The following CDH7 variants were observed in gnomAD, a reference collection of about 807,000 sequenced individuals.
The protein encoded by CDH7 is cadherin-7.
CDH7 carries 25 observed loss-of-function variants against 71.8 expected under a neutral mutation model. The observed-to-expected ratio is 0.35, with a 90% CI of 0.25 to 0.49. The LOEUF (loss-of-function observed/expected upper bound fraction) is 0.49. Among genes scored for constraint, CDH7 ranks in the 20% least tolerant of loss-of-function variants. The pLI, the probability that CDH7 is intolerant of heterozygous loss-of-function variation, is 0.99. For missense variants in CDH7, 862 were observed against 974.6 expected (o/e 0.88, Z 1.54); for synonymous variants, 381 against 363.8 (o/e 1.05, Z -0.54).
intron 5 of CDH7, among the ~76,000 whole-genome samples, chr18:65,823,124 A>C (rs1286281075): frequency 6.6e-6 from 1 of 152,030 alleles, no homozygotes. Context: ...CTTTCTGAGC[A>C]AATACAAGTG....
intron 2 of CDH7, among the ~76,000 whole-genome samples, chr18:65,771,874 A>G (rs1274340421): frequency 1.3e-5 from 2 of 152,112 alleles, no homozygotes; most frequent in Admixed American, 6.6e-5. Flanking sequence ...GGCCATCTCC[A>G]TTTCTAGTTA....
chr18:65,784,595 T>C (rs1910445884), intron 2 of CDH7, among the ~76,000 whole-genome samples: 1 of 152,198 alleles, frequency 6.6e-6, no homozygotes, highest in Non-Finnish European at 1.5e-5. Context: ...GAAAAAGTCC[T>C]AGAACATCCC....
chr18:65,849,369 CT>C (rs1265660266), intron 7 of CDH7, among the ~76,000 whole-genome samples: 4 of 63,794 alleles, frequency 6.3e-5, no homozygotes, highest in African/African-American at 1.7e-4. Flanking sequence ...CTTTTCTTTT[CT>C]TTTCTTTTCT....
chr18:65,827,720 T>C (rs771514493), intron 6 of CDH7, among the ~76,000 whole-genome samples: 14 of 151,926 alleles, frequency 9.2e-5, no homozygotes, highest in Non-Finnish European at 1.5e-4. Context: ...ATATACCATA[T>C]TGAGGCAAAA....
At chr18:65,840,831 G>A (rs1406389508) in intron 6 of CDH7, among the ~76,000 whole-genome samples, 1 of 151,942 alleles carries the variant, frequency 6.6e-6, no homozygotes, top group African/African-American at 2.4e-5. Context: ...TCCAAACATC[G>A]AGATAATTTA....
Position 65,762,709 on chromosome 18 carries a change from A to T in CDH7, c.-134A>T, listed in dbSNP as rs1916227649. 5 of 670,224 alleles carry T rather than the reference A, an allele frequency of 7.5e-6. No homozygotes were observed. 41.5% of individuals were successfully genotyped at this position (670,224 alleles called of 1,614,324 possible). A position where few individuals can be genotyped will look rare whatever the true frequency, so the allele number is the denominator to read the frequency against. ...CAGTGGTGACCTCTTCCAATCCAAC[A>T]CTCTACAGATTATTATCTCTGGACT... On this transcript the variant is annotated 5_prime_UTR_variant, in exon 2 of 12. Transcript: ENST00000397968.
chr18:65,865,509 G>GT (rs1424675561), intron 11 of CDH7: 2 of 151,954 alleles, frequency 1.3e-5, no homozygotes, highest in African/African-American at 4.8e-5. Flanking sequence ...CTTCAAAACC[G>GT]TAAGTAAAAC....
intron 1 of CDH7, among the ~76,000 whole-genome samples, chr18:65,756,544 G>T (rs1246775585): frequency 6.6e-6 from 1 of 152,216 alleles, no homozygotes; most frequent in Non-Finnish European, 1.5e-5. Context: ...CTGTGTGTTA[G>T]TGTGTTATAT....
chr18:65,821,087 A>G (rs980987897), intron 4 of CDH7, among the ~76,000 whole-genome samples: 2 of 151,824 alleles, frequency 1.3e-5, no homozygotes, highest in African/African-American at 4.8e-5. Context: ...AAATGGGGTT[A>G]CAGAAATAAA....
chr18:65,796,432 C>T (rs887846624), intron 2 of CDH7, among the ~76,000 whole-genome samples: 9 of 152,146 alleles, frequency 5.9e-5, no homozygotes, highest in Admixed American at 2.0e-4. Flanking sequence ...AATAAGGCAA[C>T]ATTACACACC....
chr18:65,838,077 A>G (rs989270737), intron 6 of CDH7, among the ~76,000 whole-genome samples: 2 of 152,026 alleles, frequency 1.3e-5, no homozygotes, highest in African/African-American at 4.8e-5. Flanking sequence ...GGCACGTGCC[A>G]CCATGGCAGG....
chr18:65,880,997 C>T lies in CDH7; in HGVS notation c.*103C>T, dbSNP rs1380670623. 2 of 1,126,240 alleles carry T rather than the reference C, an allele frequency of 1.8e-6. No individual in the cohort carries two copies. Among genetic ancestry groups the T allele is most frequent in the East Asian group, 2.6e-5 (1 of 38,432 alleles). 69.8% of individuals were successfully genotyped at this position (1,126,240 alleles called of 1,614,324 possible). On this transcript the variant is annotated 3_prime_UTR_variant, in exon 12 of 12. Transcript: ENST00000397968. ...CCACTACATACAGAAAACAAGAACT[C>T]CCCTTGCTGGAGACAGATGGTTGTA...
chr18:65,827,763 C>T (rs1912186052), intron 6 of CDH7, among the ~76,000 whole-genome samples: 1 of 151,748 alleles, frequency 6.6e-6, no homozygotes, highest in African/African-American at 2.4e-5. Context: ...TGATGTATAG[C>T]AACAGATGGC....
At chr18:65,804,352 A>G (rs1335171762) in intron 2 of CDH7, among the ~76,000 whole-genome samples, 2 of 152,176 alleles carry the variant, frequency 1.3e-5, no homozygotes, top group African/African-American at 4.8e-5. Context: ...TAAGATCATC[A>G]GTAAGATCAA....
At chr18:65,824,412 C>T (rs1347063379) in intron 5 of CDH7, among the ~76,000 whole-genome samples, 1 of 151,742 alleles carries the variant, frequency 6.6e-6, no homozygotes, top group African/African-American at 2.4e-5. Flanking sequence ...AGATTCTTCT[C>T]TTGCTTTTCC....
At chr18:65,863,038 T>A in intron 11 of CDH7, 121 bp downstream of exon 11, 1 of 1,152,730 alleles carries the variant, frequency 8.7e-7, no homozygotes, top group Non-Finnish European at 1.2e-6. Flanking sequence ...TGGTGTTTGT[T>A]TTGTTTTGTT....
chr18:65,857,316 CTATAAT>C (rs1189674809), intron 7 of CDH7, among the ~76,000 whole-genome samples: 22 of 87,806 alleles, frequency 2.5e-4, no homozygotes, highest in African/African-American at 8.1e-4. Flanking sequence ...GACCCTGCAT[CTATAAT>C]AATAATAATA....
At chr18:65,860,014 T>C (rs140688896) in intron 10 of CDH7, among the ~76,000 whole-genome samples, 189 bp downstream of exon 10, 379 of 152,328 alleles carry the variant, frequency 2.5e-3, no homozygotes, top group Middle Eastern at 0.014. Context: ...ATTTAAATTT[T>C]CTTAGGCCTA....
In CDH7 at chr18:65,828,707, G is replaced by A. The variant is rs137916801; in HGVS notation, c.981+3876G>A. On this transcript the variant is annotated intron_variant, in intron 6 of 11. Coordinates refer to ENST00000397968, the MANE Select transcript of CDH7 (RefSeq NM_004361.5). ...CCCCTATGTTTTTCAGGGGTCAATT[G>A]TATATTCATCTCATTTTTAGATGAA... Among the ~76,000 whole-genome samples the A allele has an allele frequency of 6.3e-3, 953 of 151,896 alleles. 12 individuals are homozygous for A. Among genetic ancestry groups the A allele is most frequent in the African/African-American group, 0.021 (879 of 41,442 alleles).
Sources: gnomAD v4.1 joint callset for allele counts (sites outside exome capture counted in the v4.1 genomes callset) on GRCh38, gnomAD v4.1.1 for gene constraint, MANE v1.5 for transcripts, NCBI Gene and HGNC (gene_info 2026-07-23, HGNC 2026-07-21) for gene names.